Variants in KCNAB3 observed in about 807,000 individuals in gnomAD.
KCNAB3 encodes potassium voltage-gated channel subfamily A regulatory beta subunit 3.
A neutral mutation model predicts 67.7 loss-of-function variants in KCNAB3; 62 were observed. The ratio of observed to expected loss-of-function variants is 0.92; its 90% confidence interval spans 0.75 to 1.13. The LOEUF (loss-of-function observed/expected upper bound fraction) is 1.13. Ranked by LOEUF, KCNAB3 falls within the 50% of genes most tolerant of loss-of-function variation. KCNAB3 has a pLI of 0.00. For synonymous variants in KCNAB3, 212 were observed against 205.4 expected (o/e 1.03, Z -0.27); for missense variants, 514 against 522.9 (o/e 0.98, Z 0.17).
chr17:7,923,373 T>C, intron 13 of KCNAB3, 83 bp downstream of exon 13: 1 of 1,416,524 alleles, frequency 7.1e-7, no homozygotes, highest in African/African-American at 1.4e-5. Context: ...GGTGACCTGA[T>C]AGAGCCATCC....
At position 7,925,967 on chromosome 17, in the gene KCNAB3, C is replaced by T. The variant is rs762274300; in HGVS notation, c.458G>A (p.Ser153Asn). The part of the protein sequence containing the change: ...ILKSKGWRRS[S>N]YVITTKIFWG... ...AAAAATCTTGGTAGTGATGACATAGCTTGATCTCCTGGAAGAATAGAAATG... is the reference window on the plus strand; with the variant it reads ...AAAAATCTTGGTAGTGATGACATAGTTTGATCTCCTGGAAGAATAGAAATG... The change falls in exon 6 of 14, where the codon AGC (serine) becomes AAC (asparagine). Residue 153 changes from serine to asparagine, a missense_variant. Transcript: ENST00000303790. The T allele has an allele frequency of 1.5e-5, 25 of 1,613,374 alleles. No homozygotes were observed. Among genetic ancestry groups the T allele is most frequent in the Non-Finnish European group, 2.0e-5 (24 of 1,179,980 alleles).
chr17:7,924,341 G>C, intron 9 of KCNAB3, 74 bp downstream of exon 9: 1 of 1,609,784 alleles, frequency 6.2e-7, no homozygotes. Flanking sequence ...CCCCAGTGCA[G>C]TGGGCTTTGG....
chr17:7,929,669 T>C lies in KCNAB3; in HGVS notation c.-234A>G. 7.3e-7 allele frequency: 1 copy of C among 1,368,862 alleles called. No homozygotes were observed. Among genetic ancestry groups the C allele is most frequent in the African/African-American group, 1.6e-5 (1 of 64,116 alleles). The allele number at this position is 1,368,862 out of a possible 1,614,324, so 84.8% of individuals were successfully genotyped here. A position where few individuals can be genotyped will look rare whatever the true frequency, so the allele number is the denominator to read the frequency against. ...TGGGGGGCGCCAGGAGTGGAGATAT[T>C]CAGTTACGGGGGACACAGGAGCAAG... On this transcript the variant is annotated 5_prime_UTR_variant, in exon 1 of 14. Coordinates refer to ENST00000303790, the MANE Select transcript of KCNAB3 (RefSeq NM_004732.4). This position sits in a 1 kb window ranked among gnomAD's most constrained non-coding sequence, Gnocchi z 5.7.
Position 7,929,824 on chromosome 17 carries a change from GGCTCCC to G in KCNAB3, c.-395_-390del. ...GCGCGAACCGCTGCGGGACCCGCTG[GGCTCCC>G]AGCCGCGTCGGCAGCGGGCCCAGCT... On this transcript the variant is annotated 5_prime_UTR_variant, in exon 1 of 14. Coordinates refer to ENST00000303790, the MANE Select transcript of KCNAB3 (RefSeq NM_004732.4). The surrounding 1 kb of genome is among the most constrained non-coding windows in gnomAD (Gnocchi z 5.7). 8.9e-6 allele frequency: 9 copies of G among 1,015,316 alleles called. No homozygotes were observed. The highest frequency in any genetic ancestry group is 1.1e-4 in the East Asian group (1 of 9,254). 62.9% of individuals were successfully genotyped at this position (1,015,316 alleles called of 1,614,324 possible). A position where few individuals can be genotyped will look rare whatever the true frequency, so the allele number is the denominator to read the frequency against.
chr17:7,929,820 GCTGGGCTCCC>G lies in KCNAB3; in HGVS notation c.-395_-386del. ...TTCAGCGCGAACCGCTGCGGGACCC[GCTGGGCTCCC>G]AGCCGCGTCGGCAGCGGGCCCAGCT... On this transcript the variant is annotated 5_prime_UTR_variant, in exon 1 of 14. Coordinates refer to ENST00000303790, the MANE Select transcript of KCNAB3 (RefSeq NM_004732.4). This position sits in a 1 kb window ranked among gnomAD's most constrained non-coding sequence, Gnocchi z 5.7. 9.8e-6 allele frequency: 10 copies of G among 1,022,700 alleles called. No individual in the cohort carries two copies. In the Admixed American group the frequency reaches 2.4e-4, roughly 24 times the overall value. 63.4% of individuals were successfully genotyped at this position (1,022,700 alleles called of 1,614,324 possible). A position where few individuals can be genotyped will look rare whatever the true frequency, so the allele number is the denominator to read the frequency against.
In KCNAB3 at chr17:7,925,084, G is replaced by A; in HGVS notation, c.625+13C>T. 1 of 1,611,710 alleles carries A rather than the reference G, an allele frequency of 6.2e-7. No individual in the cohort carries two copies. Among genetic ancestry groups the A allele is most frequent in the Non-Finnish European group, 8.5e-7 (1 of 1,178,056 alleles). On this transcript the variant is annotated intron_variant, in intron 8 of 13. Transcript: ENST00000303790. ...TTTTGAAGGACTGTAAGGTTTGGGG[G>A]TGCTGCTTTTACCCTCCATAGGACA... is the stretch of plus-strand genomic sequence containing the variant.
At position 7,925,190 on chromosome 17, in the gene KCNAB3, G is replaced by T; in HGVS notation, c.539-7C>A. The T allele has an allele frequency of 6.2e-7, 1 of 1,612,034 alleles. No homozygotes were observed. Among genetic ancestry groups the T allele is most frequent in the East Asian group, 2.2e-5 (1 of 44,832 alleles). ...TCCAGGGATCCTCGCAAGCCTGGAG[G>T]TGGGGTAGGGAGAAGAAAATAAGCA... On this transcript the variant is annotated splice_region_variant and splice_polypyrimidine_tract_variant and intron_variant, in intron 7 of 13. Transcript: ENST00000303790.
Position 7,925,198 on chromosome 17 carries a change from G to A in KCNAB3, c.539-15C>T. 1 of 1,609,112 alleles carries A rather than the reference G, an allele frequency of 6.2e-7. No homozygotes were observed. The highest frequency in any genetic ancestry group is 2.2e-5 in the East Asian group (1 of 44,786). Reference sequence around the variant, plus strand: ...TCCTCGCAAGCCTGGAGGTGGGGTAGGGAGAAGAAAATAAGCACCTCAGCT... The same window carrying A: ...TCCTCGCAAGCCTGGAGGTGGGGTAAGGAGAAGAAAATAAGCACCTCAGCT... On this transcript the variant is annotated splice_polypyrimidine_tract_variant and intron_variant, in intron 7 of 13. Transcript: ENST00000303790.
Position 7,929,832 on chromosome 17 carries a change from GC to G in KCNAB3, c.-398del. ...CGCTGCGGGACCCGCTGGGCTCCCA[GC>G]CGCGTCGGCAGCGGGCCCAGCTCAT... On this transcript the variant is annotated 5_prime_UTR_variant, in exon 1 of 14. Coordinates refer to ENST00000303790, the MANE Select transcript of KCNAB3 (RefSeq NM_004732.4). The surrounding 1 kb of genome is among the most constrained non-coding windows in gnomAD (Gnocchi z 5.7). 2.1e-5 allele frequency: 22 copies of G among 1,025,676 alleles called. No homozygotes were observed. Among genetic ancestry groups the G allele is most frequent in the South Asian group, 1.4e-4 (4 of 27,816 alleles). The allele number at this position is 1,025,676 out of a possible 1,614,324, so 63.5% of individuals were successfully genotyped here.
chr17:7,926,440 C>T (rs558078983), intron 4 of KCNAB3, among the ~76,000 whole-genome samples: 1 of 152,250 alleles, frequency 6.6e-6, no homozygotes, highest in Non-Finnish European at 1.5e-5. Flanking sequence ...ATCTGGGTTG[C>T]CCTCCTCCTT....
chr17:7,925,103 T>A lies in KCNAB3; in HGVS notation c.619A>T (p.Met207Leu). ...TTGGGGGTGCTGCTTTTACCCTCCA[T>A]AGGACAGTTGGGGTCTGAGCGATTG... ...FANRSDPNCP[M>L]EEIVRAMTYV... Residue 207 changes from methionine to leucine, a missense_variant, in exon 8 of 14, where the codon ATG becomes TTG. Physicochemically the swap from Met to Leu is conservative, Grantham distance 15. Transcript: ENST00000303790. The A allele has an allele frequency of 6.2e-7, 1 of 1,610,220 alleles. No individual in the cohort carries two copies. Among genetic ancestry groups the A allele is most frequent in the Non-Finnish European group, 8.5e-7 (1 of 1,177,490 alleles).
intron 1 of KCNAB3, among the ~76,000 whole-genome samples, chr17:7,928,566 C>T (rs1003589009): frequency 6.6e-6 from 1 of 152,128 alleles, no homozygotes; most frequent in Non-Finnish European, 1.5e-5. Context: ...GACCTCAGCT[C>T]ACTCCCAAGC....
In KCNAB3 at chr17:7,922,895, G is replaced by A. The variant is rs192148697; in HGVS notation, c.*207C>T. ...CCTAGAAAGACGCAGCAGGGGGCGG[G>A]CGTGCTACTTTCTCTCTCGACCCCA... On this transcript the variant is annotated 3_prime_UTR_variant, in exon 14 of 14. Coordinates refer to ENST00000303790, the MANE Select transcript of KCNAB3 (RefSeq NM_004732.4). The A allele has an allele frequency of 6.0e-4, 356 of 591,162 alleles. 1 individual carries two copies. The highest frequency in any genetic ancestry group is 5.2e-3 in the African/African-American group (278 of 53,868). 36.6% of individuals were successfully genotyped at this position (591,162 alleles called of 1,614,324 possible). A position where few individuals can be genotyped will look rare whatever the true frequency, so the allele number is the denominator to read the frequency against.
Position 7,929,333 on chromosome 17 carries a change from G to A in KCNAB3, c.103C>T (p.Pro35Ser). The A allele has an allele frequency of 6.4e-7, 1 of 1,550,658 alleles. No homozygotes were observed. Among genetic ancestry groups the A allele is most frequent in the Middle Eastern group, 1.8e-4 (1 of 5,648 alleles). Residue 35 changes from proline (P) to serine (S), a missense_variant, in exon 1 of 14, where the codon CCG becomes TCG. Coordinates refer to ENST00000303790, the MANE Select transcript of KCNAB3 (RefSeq NM_004732.4). This position sits in a 1 kb window ranked among gnomAD's most constrained non-coding sequence, Gnocchi z 5.7. The part of the protein sequence containing the change: ...RPGPGGGNGG[P>S]AGGGHGNPPG... ...GGATTCCCGTGCCCCCCGCCGGCCG[G>A]CCCACCATTACCGCCCCCGGGGCCC...
chr17:7,929,827 TCCCAGCCG>T lies in KCNAB3; in HGVS notation c.-400_-393del. ...CGAACCGCTGCGGGACCCGCTGGGC[TCCCAGCCG>T]CGTCGGCAGCGGGCCCAGCTCATCA... On this transcript the variant is annotated 5_prime_UTR_variant, in exon 1 of 14. Coordinates refer to ENST00000303790, the MANE Select transcript of KCNAB3 (RefSeq NM_004732.4). This position sits in a 1 kb window ranked among gnomAD's most constrained non-coding sequence, Gnocchi z 5.7. 8.2e-5 allele frequency: 84 copies of T among 1,026,604 alleles called. No individual in the cohort carries two copies. The highest frequency in any genetic ancestry group is 6.1e-4 in the Admixed American group (11 of 18,148). The allele number at this position is 1,026,604 out of a possible 1,614,324, so 63.6% of individuals were successfully genotyped here.
rs548104319 is a variant in KCNAB3, at chr17:7,926,150, A to C, written c.405-47T>G. The C allele has an allele frequency of 4.4e-6, 7 of 1,606,050 alleles. No homozygotes were observed. The South Asian group carries it at 7.7e-5, about 18-fold the overall frequency. The stretch of plus-strand genomic sequence containing the variant: ...GCCACTGATCCCTTCTAGGCCAATC[A>C]ATTCCTTCCTCTCCTCCCCACCTTT... On this transcript the variant is annotated intron_variant, in intron 4 of 13. Coordinates refer to ENST00000303790, the MANE Select transcript of KCNAB3 (RefSeq NM_004732.4).
rs1278545815 is a variant in KCNAB3 at position 7,929,074 on chromosome 17, A to G, written c.242+120T>C. 5.7e-6 allele frequency: 8 copies of G among 1,413,314 alleles called. No individual in the cohort carries two copies. The highest frequency in any genetic ancestry group is 1.4e-5 in the South Asian group (1 of 69,854). The allele number at this position is 1,413,314 out of a possible 1,614,324, so 87.5% of individuals were successfully genotyped here. A position where few individuals can be genotyped will look rare whatever the true frequency, so the allele number is the denominator to read the frequency against. The stretch of plus-strand genomic sequence containing the variant: ...AGGGAGTGCCAGAGACAGAAAGAAG[A>G]GATGGAAAGAAGGGAGACCTACTTA... On this transcript the variant is annotated intron_variant, in intron 1 of 13. Coordinates refer to ENST00000303790, the MANE Select transcript of KCNAB3 (RefSeq NM_004732.4). The surrounding 1 kb of genome is among the most constrained non-coding windows in gnomAD (Gnocchi z 5.7).
chr17:7,923,286 G>A, intron 13 of KCNAB3, 107 bp from the exon 14 acceptor site: 1 of 1,298,510 alleles, frequency 7.7e-7, no homozygotes, highest in Non-Finnish European at 1.1e-6. Flanking sequence ...AAGTGGCAAG[G>A]CAAGAGCCGC....
chr17:7,923,303 G>A (rs894893922), intron 13 of KCNAB3, 124 bp from the exon 14 acceptor site: 16 of 1,260,200 alleles, frequency 1.3e-5, no homozygotes, highest in Non-Finnish European at 1.7e-5. Flanking sequence ...CCGCAGCTGT[G>A]CCGGTGCCTC....
Sources: gnomAD v4.1 joint callset for allele counts (sites outside exome capture counted in the v4.1 genomes callset) on GRCh38, gnomAD v4.1.1 for gene constraint, Gnocchi (gnomAD v3.1) non-coding constraint, MANE v1.5 for transcripts, NCBI Gene and HGNC (gene_info 2026-07-23, HGNC 2026-07-21) for gene names.